The following CDH22 variants were observed in gnomAD, a reference collection of about 807,000 sequenced individuals.
The protein encoded by CDH22 is cadherin 22.
A neutral mutation model predicts 58.4 loss-of-function variants in CDH22; 30 were observed. The observed-to-expected ratio is 0.51, with a 90% CI of 0.38 to 0.70. The LOEUF (loss-of-function observed/expected upper bound fraction) is 0.70. Ranked by LOEUF, CDH22 falls within the 30% of genes least tolerant of loss-of-function variation. CDH22 has a pLI of 0.00. For missense variants in CDH22, 1,014 were observed against 1,233.9 expected (o/e 0.82, Z 2.67); for synonymous variants, 513 against 558.2 (o/e 0.92, Z 1.14).
intron 3 of CDH22, among the ~76,000 whole-genome samples, chr20:46,233,339 TGA>T (rs528657132): frequency 1.2e-3 from 187 of 152,284 alleles, no homozygotes; most frequent in Middle Eastern, 6.8e-3. Context: ...TATGTCCTCC[TGA>T]GAGAGAGCAC....
In CDH22 at chr20:46,223,666, C is replaced by CTTCTTTCTTTCTTTCT. The variant is rs369876048; in HGVS notation, c.670+3826_670+3841dup. ...CTTTCTTTCTCTTTCTTTTTCTTTC[C>CTTCTTTCTTTCTTTCT]TTCTTTCTTTCTTTCTTTCTTTCTT... On this transcript the variant is annotated intron_variant, in intron 4 of 11. Transcript: ENST00000537909. 4.3e-5 allele frequency among the ~76,000 whole-genome samples: 5 copies of CTTCTTTCTTTCTTTCT among 115,628 alleles called. No individual in the cohort carries two copies. The East Asian group carries it at 7.5e-4, about 17-fold the overall frequency. The allele number at this position is 115,628 out of a possible 152,430, so 75.9% of individuals were successfully genotyped here.
At chr20:46,181,388 C>T (rs1009802209) in intron 10 of CDH22, among the ~76,000 whole-genome samples, 2 of 151,970 alleles carry the variant, frequency 1.3e-5, no homozygotes, top group Admixed American at 6.6e-5. Flanking sequence ...GAGGGAACAG[C>T]GTATGCAAAG....
Position 46,223,998 on chromosome 20 carries a change from C to A in CDH22, c.670+3510G>T, listed in dbSNP as rs186607511. The stretch of plus-strand genomic sequence containing the variant: ...CCTCCCGAGTAGCTGGGATTACAGG[C>A]ATGTGCCACCACTCCCGGCTAATTT... On this transcript the variant is annotated intron_variant, in intron 4 of 11. Transcript: ENST00000537909. Among the ~76,000 whole-genome samples the A allele has an allele frequency of 1.6e-3, 251 of 152,156 alleles. 1 individual carries two copies. Among genetic ancestry groups the A allele is most frequent in the Middle Eastern group, 0.014 (4 of 294 alleles).
At chr20:46,186,445 G>T (rs1263848736) in intron 10 of CDH22, 143 bp downstream of exon 10, 6 of 677,606 alleles carry the variant, frequency 8.9e-6, no homozygotes, top group South Asian at 1.8e-5. Flanking sequence ...CTGGGTAACA[G>T]CTCCAGCTTG....
chr20:46,295,705 T>A (rs548636182), intron 1 of CDH22, among the ~76,000 whole-genome samples: 1 of 152,356 alleles, frequency 6.6e-6, no homozygotes, highest in East Asian at 1.9e-4. Context: ...TGATAGGTGA[T>A]GATCCAGCTT....
At chr20:46,282,363 T>A (rs1325545776) in intron 1 of CDH22, among the ~76,000 whole-genome samples, 1 of 152,070 alleles carries the variant, frequency 6.6e-6, no homozygotes, top group Non-Finnish European at 1.5e-5. Flanking sequence ...TGGGGCCAAG[T>A]GCCCTGAGAG....
chr20:46,303,959 G>A lies in CDH22; in HGVS notation c.-400+4296C>T, dbSNP rs187913287. On this transcript the variant is annotated intron_variant, in intron 1 of 11. Transcript: ENST00000537909. ...ACCAGGGAGGAGGCTGCCACAACAG[G>A]TTAGGCATGAACCAGTGAGGTCTGA... is the stretch of plus-strand genomic sequence containing the variant. Among the ~76,000 whole-genome samples, 937 of 152,282 alleles carry A rather than the reference G, an allele frequency of 6.2e-3. 7 individuals are homozygous for A. Among genetic ancestry groups the A allele is most frequent in the African/African-American group, 0.021 (878 of 41,552 alleles).
At chr20:46,282,842 C>A (rs544773339) in intron 1 of CDH22, among the ~76,000 whole-genome samples, 1 of 152,104 alleles carries the variant, frequency 6.6e-6, no homozygotes, top group Non-Finnish European at 1.5e-5. Flanking sequence ...TAATTCTGGG[C>A]GTCACCATTT....
rs190752088 is a variant in CDH22 at position 46,253,232 on chromosome 20, T to C, written c.-399-1539A>G. 1.9e-3 allele frequency among the ~76,000 whole-genome samples: 288 copies of C among 152,358 alleles called. 1 individual carries two copies. The highest frequency in any genetic ancestry group is 6.6e-3 in the African/African-American group (275 of 41,584). The stretch of plus-strand genomic sequence containing the variant: ...GGGAATCACAACTCTGAAAATTGTC[T>C]TATGCCTATTTTGCAGATGCCTAAT... On this transcript the variant is annotated intron_variant, in intron 1 of 11. Coordinates refer to ENST00000537909, the MANE Select transcript of CDH22 (RefSeq NM_021248.3).
chr20:46,270,734 T>C (rs2086483036), intron 1 of CDH22, among the ~76,000 whole-genome samples: 1 of 152,168 alleles, frequency 6.6e-6, no homozygotes, highest in Non-Finnish European at 1.5e-5. Flanking sequence ...GATGGAACAG[T>C]CTGGAACTCC....
chr20:46,218,610 C>T (rs2086102427), intron 4 of CDH22, among the ~76,000 whole-genome samples: 2 of 149,808 alleles, frequency 1.3e-5, no homozygotes, highest in Non-Finnish European at 3.0e-5. Context: ...TTATTCACAC[C>T]CCCTCCCACA....
At chr20:46,176,565 T>C (rs946204063) in intron 11 of CDH22, among the ~76,000 whole-genome samples, 2 of 152,232 alleles carry the variant, frequency 1.3e-5, no homozygotes, top group African/African-American at 4.8e-5. Context: ...TGGACAGACA[T>C]GTACGAGGTA....
Position 46,210,324 on chromosome 20 carries a change from G to A in CDH22, c.1269C>T (p.Ala423=). 2.1e-6 allele frequency: 3 copies of A among 1,450,732 alleles called. No homozygotes were observed. Among genetic ancestry groups the A allele is most frequent in the South Asian group, 1.3e-5 (1 of 74,190 alleles). 89.9% of individuals were successfully genotyped at this position (1,450,732 alleles called of 1,614,324 possible). The change falls in exon 7 of 12, where the codon GCC becomes GCT. Residue 423 remains alanine (A), a synonymous_variant. Coordinates refer to ENST00000537909, the MANE Select transcript of CDH22 (RefSeq NM_021248.3). This position sits in a 1 kb window ranked among gnomAD's most constrained non-coding sequence, Gnocchi z 4.5. ...GGTCTCACCGGACGGGCCGGTTGGC[G>A]GCGTCGGGGTCCCGCGCCGTCACCA... The part of the protein sequence containing the change: ...VGVVTARDPD[A]ANRPVRYAID...
intron 4 of CDH22, among the ~76,000 whole-genome samples, chr20:46,223,713 C>T (rs58248589): frequency 1.5e-3 from 83 of 54,550 alleles, no homozygotes; most frequent in African/African-American, 7.9e-3. Flanking sequence ...TTCTTTCTTT[C>T]TTTTTCTTTC....
intron 1 of CDH22, among the ~76,000 whole-genome samples, chr20:46,275,972 T>C (rs888380222): frequency 6.3e-4 from 95 of 150,342 alleles, no homozygotes; most frequent in African/African-American, 2.3e-3. Context: ...AGAAGAGGGG[T>C]TCAGGCCCAG....
chr20:46,187,254 C>T (rs545047556), intron 8 of CDH22, among the ~76,000 whole-genome samples: 2 of 152,192 alleles, frequency 1.3e-5, no homozygotes, highest in African/African-American at 4.8e-5. Flanking sequence ...ATCAACACCA[C>T]CATCACCATC....
chr20:46,285,367 A>G (rs1311349643), intron 1 of CDH22, among the ~76,000 whole-genome samples: 1 of 152,182 alleles, frequency 6.6e-6, no homozygotes, highest in African/African-American at 2.4e-5. Flanking sequence ...GTTTGGAGAA[A>G]GCCCCTAGTG....
chr20:46,214,305 T>C (rs1037484210), intron 5 of CDH22, among the ~76,000 whole-genome samples: 7 of 152,102 alleles, frequency 4.6e-5, no homozygotes, highest in Non-Finnish European at 1.0e-4. Context: ...TGCTAAGTGA[T>C]GGGCCAGCCT....
At chr20:46,215,406 T>C (rs2086076865) in intron 5 of CDH22, among the ~76,000 whole-genome samples, 1 of 152,260 alleles carries the variant, frequency 6.6e-6, no homozygotes, top group Non-Finnish European at 1.5e-5. Flanking sequence ...ATTGTATGAT[T>C]CATCCCATTT....
Sources: allele counts gnomAD v4.1 joint callset (sites outside exome capture counted in the v4.1 genomes callset), GRCh38; gene constraint gnomAD v4.1.1; non-coding constraint Gnocchi (gnomAD v3.1); transcripts MANE v1.5; gene names NCBI Gene and HGNC (gene_info 2026-07-23, HGNC 2026-07-21).